Variants in SSBP2 observed in about 807,000 individuals in gnomAD.
SSBP2 encodes single stranded DNA binding protein 2.
A neutral mutation model predicts 61.8 loss-of-function variants in SSBP2; 17 were observed. The observed-to-expected ratio is 0.28, with a 90% CI of 0.19 to 0.41. The LOEUF is 0.41. Ranked by LOEUF, SSBP2 falls within the 10% of genes least tolerant of loss-of-function variation. The pLI is 1.00. For missense variants in SSBP2, 310 were observed against 458.7 expected (o/e 0.68, Z 2.96); for synonymous variants, 139 against 141.3 (o/e 0.98, Z 0.12).
At chr5:81,497,664 A>G (rs964684367) in intron 5 of SSBP2, among the ~76,000 whole-genome samples, 1 of 152,186 alleles carries the variant, frequency 6.6e-6, no homozygotes, top group African/African-American at 2.4e-5. Context: ...GTCCTAAGTA[A>G]GAGTAAGTAA....
intron 4 of SSBP2, among the ~76,000 whole-genome samples, chr5:81,514,671 G>C (rs150481822): frequency 1.3e-5 from 2 of 151,892 alleles, no homozygotes; most frequent in Middle Eastern, 6.8e-3. Context: ...TATCTGTTGC[G>C]CTATCTTCAC....
intron 4 of SSBP2, among the ~76,000 whole-genome samples, chr5:81,521,898 T>C (rs1769517178): frequency 6.6e-6 from 1 of 152,024 alleles, no homozygotes; most frequent in South Asian, 2.1e-4. Flanking sequence ...TGGGGAAATA[T>C]GCTTAAGAAT....
At chr5:81,654,913 G>C (rs1480267986) in intron 1 of SSBP2, among the ~76,000 whole-genome samples, 5 of 152,002 alleles carry the variant, frequency 3.3e-5, no homozygotes, top group African/African-American at 1.2e-4. Context: ...GAGGCAGGAG[G>C]ATAGCTTGAG....
chr5:81,694,401 A>G, intron 1 of SSBP2, among the ~76,000 whole-genome samples: 1 of 152,216 alleles, frequency 6.6e-6, no homozygotes, highest in East Asian at 1.9e-4. Context: ...ATTATTATGC[A>G]TTCTATGCCT....
rs540513398 is a variant in SSBP2, at chr5:81,414,662, C to T, written c.*5842G>A. On this transcript the variant is annotated 3_prime_UTR_variant, in exon 17 of 17. Transcript: ENST00000320672. ...GCTGAGAATTAAATGATCACTTATGCCCTTATCTTTAGATACAGTACCTTC... is the reference window on the plus strand; with the variant it reads ...GCTGAGAATTAAATGATCACTTATGTCCTTATCTTTAGATACAGTACCTTC... 3.3e-4 allele frequency: 50 copies of T among 152,222 alleles called. No individual in the cohort carries two copies. Among genetic ancestry groups the T allele is most frequent in the African/African-American group, 1.1e-3 (46 of 41,540 alleles). The allele number at this position is 152,222 out of a possible 1,614,324, so 9.4% of individuals were successfully genotyped here. A position where few individuals can be genotyped will look rare whatever the true frequency, so the allele number is the denominator to read the frequency against.
intron 2 of SSBP2, among the ~76,000 whole-genome samples, chr5:81,638,853 A>AT (rs1399842142): frequency 6.6e-6 from 1 of 152,256 alleles, no homozygotes; most frequent in Non-Finnish European, 1.5e-5. Context: ...AAAATGAATC[A>AT]TTTAAACAGA....
At chr5:81,563,228 GA>G (rs1171882392) in intron 4 of SSBP2, among the ~76,000 whole-genome samples, 1 of 152,138 alleles carries the variant, frequency 6.6e-6, no homozygotes, top group Non-Finnish European at 1.5e-5. Flanking sequence ...TTTCAACAAA[GA>G]TGCAAATACA....
intron 14 of SSBP2, among the ~76,000 whole-genome samples, chr5:81,438,187 C>T (rs894263425): frequency 2.3e-4 from 35 of 151,912 alleles, no homozygotes; most frequent in African/African-American, 7.7e-4. Context: ...CACACCTCTA[C>T]TAAAAATACA....
At chr5:81,705,953 C>T (rs1754353861) in intron 1 of SSBP2, among the ~76,000 whole-genome samples, 1 of 152,098 alleles carries the variant, frequency 6.6e-6, no homozygotes, top group South Asian at 2.1e-4. Flanking sequence ...TCAAATAACT[C>T]AAAACACAAC....
At chr5:81,733,827 TGA>T (rs1756423613) in intron 1 of SSBP2, among the ~76,000 whole-genome samples, 21 of 152,214 alleles carry the variant, frequency 1.4e-4, no homozygotes, top group Admixed American at 1.4e-3. Flanking sequence ...TAGTTTTGTC[TGA>T]ATAGGGCTCT....
In SSBP2 at chr5:81,501,212, AATATATATATATAT is replaced by A. The variant is rs1167504052; in HGVS notation, c.373-11917_373-11904del. On this transcript the variant is annotated intron_variant, in intron 5 of 16. Coordinates refer to ENST00000320672, the MANE Select transcript of SSBP2 (RefSeq NM_012446.5). ...GGTGACAGAGGGAGACTCCATCTCA[AATATATATATATAT>A]ATATATATATATATATATATATATA... is the stretch of plus-strand genomic sequence containing the variant. Among the ~76,000 whole-genome samples, 183 of 28,812 alleles carry A rather than the reference AATATATATATATAT, an allele frequency of 6.4e-3. 6 individuals are homozygous for A. The highest frequency in any genetic ancestry group is 7.9e-3 in the South Asian group (5 of 634). The allele number at this position is 28,812 out of a possible 152,430, so 18.9% of individuals were successfully genotyped here. A position where few individuals can be genotyped will look rare whatever the true frequency, so the allele number is the denominator to read the frequency against.
In SSBP2 at chr5:81,705,633, A is replaced by G. The variant is rs563810873; in HGVS notation, c.62+45348T>C. Among the ~76,000 whole-genome samples the G allele has an allele frequency of 3.9e-5, 6 of 152,304 alleles. 1 individual carries two copies. In the South Asian group the frequency reaches 1.2e-3, roughly 32 times the overall value. On this transcript the variant is annotated intron_variant, in intron 1 of 16. Transcript: ENST00000320672. ...TAATTATTTTAAGCCTTTCTCTTGT[A>G]TTTCAGAATCTTTGGAAGTCAAGTC... is the stretch of plus-strand genomic sequence containing the variant.
At chr5:81,439,255 C>G (rs1284767642) in intron 14 of SSBP2, among the ~76,000 whole-genome samples, 1 of 151,994 alleles carries the variant, frequency 6.6e-6, no homozygotes, top group Non-Finnish European at 1.5e-5. Context: ...TCATAACTCC[C>G]ATCCCCATTG....
At chr5:81,611,890 A>G (rs1405463255) in intron 4 of SSBP2, among the ~76,000 whole-genome samples, 1 of 152,098 alleles carries the variant, frequency 6.6e-6, no homozygotes, top group Non-Finnish European at 1.5e-5. Flanking sequence ...TTCTAGTCTT[A>G]TAAGATAAAT....
At chr5:81,590,506 A>G (rs1191823302) in intron 4 of SSBP2, among the ~76,000 whole-genome samples, 1 of 152,220 alleles carries the variant, frequency 6.6e-6, no homozygotes, top group Non-Finnish European at 1.5e-5. Context: ...TTGAATACAA[A>G]CTGGTAGGAA....
chr5:81,513,756 A>G, intron 4 of SSBP2, 39 bp from the exon 5 acceptor site: 2 of 1,399,930 alleles, frequency 1.4e-6, no homozygotes, highest in East Asian at 2.3e-5. Context: ...ATATCATTAC[A>G]GAGAAGGCAC....
chr5:81,692,143 C>T (rs190118014), intron 1 of SSBP2, among the ~76,000 whole-genome samples: 1 of 152,244 alleles, frequency 6.6e-6, no homozygotes, highest in Non-Finnish European at 1.5e-5. Context: ...TTGGAAGTGA[C>T]AAACAAATTT....
intron 1 of SSBP2, among the ~76,000 whole-genome samples, chr5:81,671,729 T>C (rs895105954): frequency 1.3e-5 from 2 of 152,100 alleles, no homozygotes; most frequent in Non-Finnish European, 2.9e-5. Context: ...TTTTCAGATT[T>C]GCTAATGGGA....
At chr5:81,429,002 C>T (rs966631714) in intron 15 of SSBP2, among the ~76,000 whole-genome samples, 8 of 145,582 alleles carry the variant, frequency 5.5e-5, no homozygotes, top group African/African-American at 2.2e-4. Flanking sequence ...TTAAAACATT[C>T]CCAGCAGGGG....
Sources: allele counts gnomAD v4.1 joint callset (sites outside exome capture counted in the v4.1 genomes callset), GRCh38; gene constraint gnomAD v4.1.1; transcripts MANE v1.5; gene names NCBI Gene and HGNC (gene_info 2026-07-23, HGNC 2026-07-21).